Variants in NCOR1 observed in about 807,000 individuals in gnomAD.
NCOR1 encodes protein phosphatase 1, regulatory subunit 109.
Under a neutral mutation model 288.1 loss-of-function variants are expected in NCOR1, and 63 were observed. The observed-to-expected ratio is 0.22, with a 90% CI of 0.18 to 0.27. The LOEUF (loss-of-function observed/expected upper bound fraction) is 0.27, where lower values mean the gene tolerates loss of function less well. Ranked by LOEUF, NCOR1 falls within the 10% of genes least tolerant of loss-of-function variation. The probability of loss-of-function intolerance (pLI) is 1.00; values close to 1 mark genes in which losing one functional copy is unlikely to be tolerated. For synonymous variants in NCOR1, 1,007 were observed against 1,065.9 expected, an observed-to-expected ratio of 0.94 and a Z score of 1.08; for missense variants, 2,397 against 3,019.2, an observed-to-expected ratio of 0.79 and a Z score of 4.83.
chr17:16,071,312 T>C lies in NCOR1; in HGVS notation c.4152+97A>G, dbSNP rs1001488534. The C allele has an allele frequency of 1.8e-5, 26 of 1,476,854 alleles. No individual in the cohort carries two copies. In the Admixed American group the frequency reaches 4.0e-4, roughly 23 times the overall value. 91.5% of individuals were successfully genotyped at this position (1,476,854 alleles called of 1,614,324 possible). A position where few individuals can be genotyped will look rare whatever the true frequency, so the allele number is the denominator to read the frequency against. ...AACTTTCATGTTTACTTCCAGGAGG[T>C]CTGACATCATAAGAACCACTTATAA... On this transcript the variant is annotated intron_variant, in intron 30 of 45. Coordinates refer to ENST00000268712, the MANE Select transcript of NCOR1 (RefSeq NM_006311.4).
intron 1 of NCOR1, among the ~76,000 whole-genome samples, chr17:16,210,185 A>G (rs2091983500): frequency 1.3e-5 from 2 of 152,054 alleles, no homozygotes. Context: ...GGAGTTCGAG[A>G]TCAGCCTGAC....
chr17:16,040,648 A>ATTT, intron 42 of NCOR1, 154 bp from the exon 43 acceptor site: 2 of 635,724 alleles, frequency 3.1e-6, no homozygotes, highest in Non-Finnish European at 2.7e-6. Context: ...AAATGGAAGT[A>ATTT]TTTTTTTTTT....
rs191531261 is a variant in NCOR1, at chr17:16,042,123, G to A, written c.6680-1629C>T. Among the ~76,000 whole-genome samples, 177 of 149,562 alleles carry A rather than the reference G, an allele frequency of 1.2e-3. 1 individual carries two copies. Among genetic ancestry groups the A allele is most frequent in the African/African-American group, 4.2e-3 (169 of 40,172 alleles). ...GAGGAGGGAAGAGTGCATGTGCCTA[G>A]AAACAAACTTGGTTGATTAGGGAGG... On this transcript the variant is annotated intron_variant, in intron 42 of 45. Coordinates refer to ENST00000268712, the MANE Select transcript of NCOR1 (RefSeq NM_006311.4).
In NCOR1 at chr17:16,057,724, T is replaced by G; in HGVS notation, c.6182A>C (p.Gln2061Pro). The G allele has an allele frequency of 6.2e-7, 1 of 1,613,952 alleles. No individual in the cohort carries two copies. The highest frequency in any genetic ancestry group is 8.5e-7 in the Non-Finnish European group (1 of 1,179,902). Residue 2061 changes from glutamine to proline, a missense_variant, in exon 40 of 46, where the codon CAA becomes CCA. By Grantham distance (76) the Gln-to-Pro change is moderately conservative. Transcript: ENST00000268712. The stretch of plus-strand genomic sequence containing the variant: ...GGAAACTTGATTTCTAGCAAAATCT[T>G]GTGTGATAATTTGCTGTGAATGAGA... ...LADHICQIIT[Q>P]DFARNQVSSQ... is the part of the protein sequence containing the mutation.
chr17:16,162,301 G>A (rs1254097784), intron 5 of NCOR1, among the ~76,000 whole-genome samples: 1 of 151,884 alleles, frequency 6.6e-6, no homozygotes, highest in Non-Finnish European at 1.5e-5. Flanking sequence ...CAAGAGACAC[G>A]GAAGACAAGA....
At chr17:16,054,324 C>T (rs1216681684) in intron 40 of NCOR1, among the ~76,000 whole-genome samples, 8 of 152,068 alleles carry the variant, frequency 5.3e-5, no homozygotes, top group Non-Finnish European at 8.8e-5. Flanking sequence ...GGTCTAATAT[C>T]CAGCATGTAT....
chr17:16,210,824 G>A (rs1568714531), intron 1 of NCOR1, among the ~76,000 whole-genome samples: 1 of 151,794 alleles, frequency 6.6e-6, no homozygotes, highest in African/African-American at 2.4e-5. Flanking sequence ...CCGCCTCCCG[G>A]GTTCACGCCA....
rs745978718 is a variant in NCOR1 at position 16,061,576 on chromosome 17, C to T, written c.5706G>A (p.Glu1902=). The change falls in exon 37 of 46, where the codon GAG becomes GAA. Residue 1902 remains glutamate, a synonymous_variant. Transcript: ENST00000268712. The part of the protein sequence containing the change: ...PQPHSSVVYS[E]AGKDKGPPPK... ...GAGGAGGCCCTTTATCTTTCCCAGC[C>T]TCAGAATAAACTACTGAAGAATGAG... 2 of 1,614,198 alleles carry T rather than the reference C, an allele frequency of 1.2e-6. No homozygotes were observed. Among genetic ancestry groups the T allele is most frequent in the East Asian group, 2.2e-5 (1 of 44,890 alleles).
chr17:16,159,160 T>C (rs1204797820), intron 5 of NCOR1, among the ~76,000 whole-genome samples: 1 of 151,888 alleles, frequency 6.6e-6, no homozygotes, highest in East Asian at 1.9e-4. Flanking sequence ...ATGCCTGTAA[T>C]CCCAGCACTT....
intron 1 of NCOR1, among the ~76,000 whole-genome samples, chr17:16,214,689 A>G (rs1457636496): frequency 6.6e-6 from 1 of 152,158 alleles, no homozygotes; most frequent in Non-Finnish European, 1.5e-5. Context: ...AGTTAATTTG[A>G]AGAATTCAGT....
intron 38 of NCOR1, 194 bp from the exon 39 acceptor site, chr17:16,058,258 A>G: frequency 3.4e-6 from 3 of 876,766 alleles, no homozygotes; most frequent in Middle Eastern, 3.6e-4. Flanking sequence ...CAAAATATAA[A>G]TGCAGAAGTA....
chr17:16,202,809 A>G (rs2091006054), intron 1 of NCOR1, among the ~76,000 whole-genome samples: 1 of 152,174 alleles, frequency 6.6e-6, no homozygotes, highest in Admixed American at 6.5e-5. Flanking sequence ...GGTTATGAAC[A>G]GACTCTGTTT....
rs1410488121 is a variant in NCOR1 at position 16,121,687 on chromosome 17, T to TG, written c.1635-419dup. ...TATGAAATGAAGAAGCTAAAATAGA[T>TG]GATCTTCATGATAGATGCCTTTTCT... On this transcript the variant is annotated intron_variant, in intron 15 of 45. Coordinates refer to ENST00000268712, the MANE Select transcript of NCOR1 (RefSeq NM_006311.4). Among the ~76,000 whole-genome samples, 10 of 152,354 alleles carry TG rather than the reference T, an allele frequency of 6.6e-5. No homozygotes were observed. The East Asian group carries it at 1.9e-3, about 29-fold the overall frequency.
intron 14 of NCOR1, among the ~76,000 whole-genome samples, chr17:16,129,431 C>T (rs1000477440): frequency 6.6e-6 from 1 of 152,230 alleles, no homozygotes; most frequent in Admixed American, 6.5e-5. Context: ...CTTGCTTTAT[C>T]TGACCTTCCT....
chr17:16,149,576 T>C, intron 8 of NCOR1, 59 bp from the exon 9 acceptor site: 1 of 743,468 alleles, frequency 1.3e-6, no homozygotes, highest in Non-Finnish European at 2.2e-6. Flanking sequence ...AATAATGCAT[T>C]CACTTTTTTT....
At chr17:16,132,633 G>T (rs2075813177) in intron 14 of NCOR1, among the ~76,000 whole-genome samples, 1 of 152,080 alleles carries the variant, frequency 6.6e-6, no homozygotes, top group Non-Finnish European at 1.5e-5. Flanking sequence ...AATAACCTCT[G>T]AACACAATTT....
intron 10 of NCOR1, among the ~76,000 whole-genome samples, chr17:16,144,510 G>A (rs973825830): frequency 8.6e-5 from 13 of 152,044 alleles, no homozygotes; most frequent in Admixed American, 7.2e-4. Context: ...CTGTGTCATG[G>A]GGATTTGTCG....
intron 1 of NCOR1, among the ~76,000 whole-genome samples, chr17:16,196,669 C>CA (rs1166006380): frequency 6.6e-6 from 1 of 151,496 alleles, no homozygotes; most frequent in Non-Finnish European, 1.5e-5. Context: ...ACTAAAAATA[C>CA]AAAAAAGTAG....
intron 14 of NCOR1, among the ~76,000 whole-genome samples, chr17:16,135,292 T>C (rs1219779728): frequency 6.6e-6 from 1 of 151,968 alleles, no homozygotes; most frequent in Non-Finnish European, 1.5e-5. Context: ...AGAAAAGCCC[T>C]GGCAATATTC....
Sources: allele counts gnomAD v4.1 joint callset (sites outside exome capture counted in the v4.1 genomes callset), GRCh38; gene constraint gnomAD v4.1.1; transcripts MANE v1.5; gene names NCBI Gene and HGNC (gene_info 2026-07-23, HGNC 2026-07-21).